Variants in ADARB2 observed in about 807,000 individuals in gnomAD.
ADARB2 encodes the protein adenosine deaminase RNA specific B2 (inactive).
ADARB2 carries 25 observed loss-of-function variants against 62.2 expected under a neutral mutation model. That is an observed-to-expected ratio of 0.40 (90% confidence interval 0.29 to 0.56). ADARB2 has a LOEUF of 0.56. Among genes scored for constraint, ADARB2 ranks in the 20% least tolerant of loss-of-function variants. The pLI, the probability that ADARB2 is intolerant of heterozygous loss-of-function variation, is 0.43. For synonymous variants in ADARB2, 572 were observed against 500.8 expected (o/e 1.14, Z -1.90); for missense variants, 1,071 against 1,077.4 (o/e 0.99, Z 0.08).
chr10:1,409,389 T>C (rs1212683683), intron 1 of ADARB2, among the ~76,000 whole-genome samples: 9 of 152,240 alleles, frequency 5.9e-5, no homozygotes, highest in Admixed American at 6.5e-5. Flanking sequence ...GAACCCCATC[T>C]GCGTGGGGCG....
chr10:1,708,260 G>C (rs142477857), intron 1 of ADARB2, among the ~76,000 whole-genome samples: 81 of 152,248 alleles, frequency 5.3e-4, no homozygotes, highest in Non-Finnish European at 1.1e-3. Flanking sequence ...CAGGAGAGGT[G>C]AGAAGATCAA....
At chr10:1,681,502 A>G (rs1588350699) in intron 1 of ADARB2, among the ~76,000 whole-genome samples, 1 of 152,242 alleles carries the variant, frequency 6.6e-6, no homozygotes. Flanking sequence ...AAAAACCCTA[A>G]ACCAGGAATT....
intron 1 of ADARB2, among the ~76,000 whole-genome samples, chr10:1,729,818 G>A (rs1835210286): frequency 6.6e-6 from 1 of 152,182 alleles, no homozygotes; most frequent in Non-Finnish European, 1.5e-5. Flanking sequence ...TGAGAACTGA[G>A]CTCCCCATCC....
At chr10:1,655,838 T>G (rs1472085999) in intron 1 of ADARB2, among the ~76,000 whole-genome samples, 1 of 152,260 alleles carries the variant, frequency 6.6e-6, no homozygotes, top group African/African-American at 2.4e-5. Context: ...GTTAATCTTG[T>G]GGATATCAAA....
chr10:1,214,127 ATGTAGGTTTGCACCTGTGTCCAGCGTAG>A (rs1354285040), intron 7 of ADARB2, among the ~76,000 whole-genome samples: 18 of 92,568 alleles, frequency 1.9e-4, no homozygotes, highest in East Asian at 1.4e-3. Context: ...GTCCAGCGTC[ATGTAGGTTTGCACCTGTGTCCAGCGTAG>A]TGTAGGTTTG....
chr10:1,565,023 G>A (rs59692787), intron 1 of ADARB2, among the ~76,000 whole-genome samples: 2,010 of 152,294 alleles, frequency 0.013, 44 homozygotes, highest in African/African-American at 0.046. Flanking sequence ...CAGCAGCACC[G>A]GTGCCTTCCC....
chr10:1,626,878 T>C (rs759925481), intron 1 of ADARB2, among the ~76,000 whole-genome samples: 2 of 152,172 alleles, frequency 1.3e-5, no homozygotes, highest in Non-Finnish European at 2.9e-5. Context: ...TATAAACATG[T>C]ATCGGTTTCT....
intron 1 of ADARB2, among the ~76,000 whole-genome samples, chr10:1,508,949 C>T (rs1475200000): frequency 1.3e-5 from 2 of 152,328 alleles, no homozygotes; most frequent in African/African-American, 4.8e-5. Context: ...GAGAAGTCGT[C>T]TGGCCCAGCG....
intron 1 of ADARB2, among the ~76,000 whole-genome samples, chr10:1,459,005 A>C (rs1415047191): frequency 6.6e-6 from 1 of 152,230 alleles, no homozygotes; most frequent in Non-Finnish European, 1.5e-5. Context: ...CATCTCACAC[A>C]AGTCAGAATG....
chr10:1,308,812 T>A (rs532167513), intron 3 of ADARB2, among the ~76,000 whole-genome samples: 1 of 152,248 alleles, frequency 6.6e-6, no homozygotes, highest in Admixed American at 6.5e-5. Flanking sequence ...CTATTTCTAT[T>A]TTTTTTAGAA....
At chr10:1,568,264 G>A (rs1024372454) in intron 1 of ADARB2, among the ~76,000 whole-genome samples, 1 of 152,212 alleles carries the variant, frequency 6.6e-6, no homozygotes, top group African/African-American at 2.4e-5. Context: ...TCTAGATGGA[G>A]CTTGGGACCA....
intron 3 of ADARB2, among the ~76,000 whole-genome samples, chr10:1,314,798 C>T (rs1429536127): frequency 6.6e-6 from 1 of 152,150 alleles, no homozygotes; most frequent in Admixed American, 6.5e-5. Flanking sequence ...CAGCGGCTCT[C>T]CAGGAGGAAC....
chr10:1,588,719 C>T (rs72764994), intron 1 of ADARB2, among the ~76,000 whole-genome samples: 39,411 of 152,192 alleles, frequency 0.26, 5,627 homozygotes, highest in Non-Finnish European at 0.33. Flanking sequence ...CCTGGATGGA[C>T]GCCAGCCCCT....
intron 1 of ADARB2, among the ~76,000 whole-genome samples, chr10:1,429,524 C>T (rs1414725928): frequency 6.6e-6 from 1 of 152,166 alleles, no homozygotes; most frequent in Non-Finnish European, 1.5e-5. Flanking sequence ...CACATGGATG[C>T]TGCAGACGTG....
At chr10:1,352,789 C>T (rs2131844972) in intron 3 of ADARB2, among the ~76,000 whole-genome samples, 2 of 152,332 alleles carry the variant, frequency 1.3e-5, no homozygotes, top group East Asian at 3.9e-4. Flanking sequence ...GCCTGGACTT[C>T]AATCCAGCCT....
chr10:1,530,406 C>T (rs1832216148), intron 1 of ADARB2, among the ~76,000 whole-genome samples: 1 of 152,340 alleles, frequency 6.6e-6, no homozygotes, highest in South Asian at 2.1e-4. Flanking sequence ...AGCACCCGGG[C>T]CACAGTCACT....
intron 1 of ADARB2, among the ~76,000 whole-genome samples, chr10:1,442,578 C>T (rs901306940): frequency 6.6e-6 from 1 of 152,178 alleles, no homozygotes; most frequent in East Asian, 1.9e-4. Context: ...ATTCCAGGCT[C>T]ACCCAAGTGC....
At chr10:1,524,901 A>G (rs1158512255) in intron 1 of ADARB2, among the ~76,000 whole-genome samples, 3 of 152,232 alleles carry the variant, frequency 2.0e-5, no homozygotes, top group Non-Finnish European at 4.4e-5. Flanking sequence ...GAAAATAGTC[A>G]GGATAGTCCA....
chr10:1,282,351 GC>G (rs1831378151), intron 3 of ADARB2, among the ~76,000 whole-genome samples: 1 of 152,184 alleles, frequency 6.6e-6, no homozygotes, highest in East Asian at 1.9e-4. Context: ...CCCCAGTGAA[GC>G]CCTTTCCGGG....
Sources: allele counts gnomAD v4.1 joint callset (sites outside exome capture counted in the v4.1 genomes callset), GRCh38; gene constraint gnomAD v4.1.1; transcripts MANE v1.5; gene names NCBI Gene and HGNC (gene_info 2026-07-23, HGNC 2026-07-21).